Variants in DOCK3 observed in about 807,000 individuals in gnomAD.
DOCK3 encodes dedicator of cytokinesis protein 3.
A neutral mutation model predicts 265.6 loss-of-function variants in DOCK3; 60 were observed. That is an observed-to-expected ratio of 0.23 (90% CI 0.18 to 0.28). DOCK3 has a LOEUF of 0.28. DOCK3 is among the 10% of genes least tolerant of loss of function. The pLI is 1.00. For synonymous variants in DOCK3, 881 were observed against 938.0 expected (o/e 0.94, Z 1.11); for missense variants, 1,981 against 2,594.3 (o/e 0.76, Z 5.14).
intron 1 of DOCK3, among the ~76,000 whole-genome samples, chr3:50,745,158 G>A (rs2039342853): frequency 6.6e-6 from 1 of 152,002 alleles, no homozygotes; most frequent in African/African-American, 2.4e-5. Flanking sequence ...TTGCTCTCCT[G>A]TCTCAGCCTC....
At chr3:51,198,984 C>T (rs2088509317) in intron 12 of DOCK3, among the ~76,000 whole-genome samples, 2 of 152,006 alleles carry the variant, frequency 1.3e-5, no homozygotes, top group Admixed American at 6.6e-5. Context: ...GACCCGAAGA[C>T]GTGCCATTGC....
At chr3:51,271,846 C>T (rs2080513436) in intron 24 of DOCK3, among the ~76,000 whole-genome samples, 2 of 114,420 alleles carry the variant, frequency 1.7e-5, no homozygotes, top group Admixed American at 1.9e-4. Context: ...GCGAGACTGT[C>T]TCAGGAAAAA....
chr3:50,728,449 T>G (rs556738898), intron 1 of DOCK3, among the ~76,000 whole-genome samples: 2 of 151,976 alleles, frequency 1.3e-5, no homozygotes, highest in Admixed American at 6.5e-5. Flanking sequence ...AGGAAAGAAA[T>G]AAAGATAAGA....
chr3:51,353,973 G>A (rs200293314), intron 40 of DOCK3, among the ~76,000 whole-genome samples: 1 of 152,186 alleles, frequency 6.6e-6, no homozygotes, highest in East Asian at 1.9e-4. Flanking sequence ...AGAGTTGGGG[G>A]TGCCTTGTCC....
At chr3:51,182,387 T>C (rs2087350818) in intron 12 of DOCK3, among the ~76,000 whole-genome samples, 4 of 152,214 alleles carry the variant, frequency 2.6e-5, no homozygotes, top group Admixed American at 2.6e-4. Flanking sequence ...AAAGTAATTG[T>C]GGTTTTTGCC....
rs77504275 is a variant in DOCK3, at chr3:51,314,956, A to T, written c.3254-24A>T. The T allele has an allele frequency of 5.4e-3, 8,578 of 1,586,588 alleles. 378 individuals carry two copies. In the African/African-American group the frequency reaches 0.098, roughly 18 times the overall value. On this transcript the variant is annotated intron_variant, in intron 31 of 52. Coordinates refer to ENST00000266037, the MANE Select transcript of DOCK3 (RefSeq NM_004947.5). ...CATGGAAGGAGCAAAGCAGGCATAAACTAATTTGGGTTTTGTTTTTCAGGT... is the reference window on the plus strand; with the variant it reads ...CATGGAAGGAGCAAAGCAGGCATAATCTAATTTGGGTTTTGTTTTTCAGGT...
chr3:50,844,296 G>C (rs183923354), intron 3 of DOCK3, among the ~76,000 whole-genome samples: 1 of 152,162 alleles, frequency 6.6e-6, no homozygotes, highest in African/African-American at 2.4e-5. Context: ...GCTCACTATA[G>C]TCTCGAACTC....
intron 3 of DOCK3, among the ~76,000 whole-genome samples, chr3:50,888,465 T>C (rs1010923026): frequency 1.1e-4 from 16 of 152,056 alleles, no homozygotes; most frequent in African/African-American, 1.7e-4. Context: ...AATGCCATCC[T>C]CATCAAGCTA....
intron 5 of DOCK3, among the ~76,000 whole-genome samples, chr3:51,024,609 G>A (rs917181153): frequency 2.6e-5 from 4 of 152,196 alleles, no homozygotes; most frequent in Admixed American, 6.5e-5. Flanking sequence ...TGTTCTGGCT[G>A]TTCAGATCAG....
At chr3:51,360,701 A>G in intron 47 of DOCK3, 69 bp downstream of exon 47, 1 of 1,597,888 alleles carries the variant, frequency 6.3e-7, no homozygotes, top group South Asian at 1.1e-5. Context: ...GTCAGAGGAA[A>G]GAGTCCTCAT....
At chr3:51,256,534 G>A (rs2079556024) in intron 22 of DOCK3, among the ~76,000 whole-genome samples, 1 of 151,270 alleles carries the variant, frequency 6.6e-6, no homozygotes, top group Non-Finnish European at 1.5e-5. Context: ...GCATCCCAAA[G>A]TTCTGGGATT....
chr3:51,223,860 A>T (rs1289992543), intron 14 of DOCK3, among the ~76,000 whole-genome samples: 1 of 152,160 alleles, frequency 6.6e-6, no homozygotes, highest in Non-Finnish European at 1.5e-5. Flanking sequence ...AGACTGATGA[A>T]TTTGAGCTTC....
rs3043436 is a variant in DOCK3 at position 50,874,066 on chromosome 3, G to GTTTT, written c.163-15949_163-15946dup. On this transcript the variant is annotated intron_variant, in intron 3 of 52. Coordinates refer to ENST00000266037, the MANE Select transcript of DOCK3 (RefSeq NM_004947.5). ...TGTTTTTTTTTTTTTCTTTTCTTTT[G>GTTTT]TTTTTTTTTTTTTTGTTAAATTGTT... Among the ~76,000 whole-genome samples, 292 of 106,224 alleles carry GTTTT rather than the reference G, an allele frequency of 2.7e-3. 1 individual carries two copies. The highest frequency in any genetic ancestry group is 9.0e-3 in the African/African-American group (279 of 31,132). 69.7% of individuals were successfully genotyped at this position (106,224 alleles called of 152,430 possible). A position where few individuals can be genotyped will look rare whatever the true frequency, so the allele number is the denominator to read the frequency against.
chr3:51,257,733 G>A (rs1297470086), intron 22 of DOCK3, among the ~76,000 whole-genome samples: 1 of 152,146 alleles, frequency 6.6e-6, no homozygotes, highest in Non-Finnish European at 1.5e-5. Flanking sequence ...AATGGACAGG[G>A]CAGCTGCTTC....
At chr3:50,689,653 C>G (rs1190564405) in intron 1 of DOCK3, among the ~76,000 whole-genome samples, 1 of 152,204 alleles carries the variant, frequency 6.6e-6, no homozygotes, top group Non-Finnish European at 1.5e-5. Context: ...ATTAGATTCT[C>G]ATAAGGAGCA....
At chr3:51,177,137 A>T (rs1486617308) in intron 12 of DOCK3, among the ~76,000 whole-genome samples, 1 of 152,198 alleles carries the variant, frequency 6.6e-6, no homozygotes, top group Non-Finnish European at 1.5e-5. Flanking sequence ...CACCCTGGTT[A>T]AGCAGGTGAC....
intron 27 of DOCK3, among the ~76,000 whole-genome samples, chr3:51,289,627 A>G (rs2081616559): frequency 6.6e-6 from 1 of 152,204 alleles, no homozygotes; most frequent in East Asian, 1.9e-4. Context: ...GAGTTCCTGA[A>G]TGGATTTTTT....
At chr3:51,266,824 A>C (rs1202303016) in intron 23 of DOCK3, among the ~76,000 whole-genome samples, 2 of 152,236 alleles carry the variant, frequency 1.3e-5, no homozygotes, top group Non-Finnish European at 2.9e-5. Flanking sequence ...AAAATTGACA[A>C]ATGGAATCTG....
intron 22 of DOCK3, among the ~76,000 whole-genome samples, chr3:51,259,770 G>C (rs2079755685): frequency 6.6e-6 from 1 of 152,092 alleles, no homozygotes; most frequent in Non-Finnish European, 1.5e-5. Flanking sequence ...CAGTAAACTT[G>C]AGTCTTTCTT....
Sources: allele counts gnomAD v4.1 joint callset (sites outside exome capture counted in the v4.1 genomes callset), GRCh38; gene constraint gnomAD v4.1.1; transcripts MANE v1.5; gene names NCBI Gene and HGNC (gene_info 2026-07-23, HGNC 2026-07-21).